The following PPP2R3B variants were observed in gnomAD, a reference collection of about 807,000 sequenced individuals.
PPP2R3B encodes serine/threonine-protein phosphatase 2A regulatory subunit B'' subunit beta.
PPP2R3B carries 68 observed loss-of-function variants against 72.9 expected under a neutral mutation model. The ratio of observed to expected loss-of-function variants is 0.93; its 90% CI spans 0.77 to 1.14. The LOEUF (loss-of-function observed/expected upper bound fraction) is 1.14, where lower values mean the gene tolerates loss of function less well. Ranked by LOEUF, PPP2R3B falls within the 50% of genes most tolerant of loss-of-function variation. PPP2R3B has a pLI of 0.00. For synonymous variants in PPP2R3B, 466 were observed against 375.8 expected (o/e 1.24, Z -2.78); for missense variants, 1,018 against 842.0 (o/e 1.21, Z -2.59).
chrX:382,548 T>C (rs1289083507), intron 1 of PPP2R3B, among the ~76,000 whole-genome samples: 1 of 150,520 alleles, frequency 6.6e-6, no homozygotes, highest in South Asian at 2.1e-4. Context: ...ATAAACTCAG[T>C]GCATTTCTCA....
chrX:359,929 A>C, intron 2 of PPP2R3B: 1 of 443,796 alleles, frequency 2.3e-6, no homozygotes, highest in Non-Finnish European at 4.4e-6. Context: ...GTAACCATGG[A>C]GGTTTTTACA....
rs2071170038 is a variant in PPP2R3B at position 345,145 on chromosome X, C to CT, written c.1036+370dup. ...GGATTGGATGGAAACTGCTCCAGGC[C>CT]TTGGGGGCTGGAACCTGGAGCTCCT... On this transcript the variant is annotated intron_variant, in intron 7 of 12. Coordinates refer to ENST00000390665, the MANE Select transcript of PPP2R3B (RefSeq NM_013239.5). 3 of 515,210 alleles carry CT rather than the reference C, an allele frequency of 5.8e-6. No homozygotes were observed. In the East Asian group the frequency reaches 1.5e-4, roughly 26 times the overall value. The allele number at this position is 515,210 out of a possible 1,614,324, so 31.9% of individuals were successfully genotyped here.
chrX:354,962 G>C (rs905333485), intron 2 of PPP2R3B, among the ~76,000 whole-genome samples: 1 of 152,232 alleles, frequency 6.6e-6, no homozygotes, highest in African/African-American at 2.4e-5. Context: ...TTGAGCCCGA[G>C]GCGGGAAGGG....
At position 334,092 on chromosome X, in the gene PPP2R3B, G is replaced by A. The variant is rs774864325; in HGVS notation, c.*275C>T. 1.2e-3 allele frequency: 409 copies of A among 352,954 alleles called. 2 individuals are homozygous for A. The highest frequency in any genetic ancestry group is 6.6e-3 in the African/African-American group (309 of 46,792). 21.9% of individuals were successfully genotyped at this position (352,954 alleles called of 1,614,324 possible). ...GACCCTTTCCACAGACGCAGGCCCCGGAACCCAGGCTGGGTCGGGAACGGC... is the reference window on the plus strand; with the variant it reads ...GACCCTTTCCACAGACGCAGGCCCCAGAACCCAGGCTGGGTCGGGAACGGC... On this transcript the variant is annotated 3_prime_UTR_variant, in exon 13 of 13. Coordinates refer to ENST00000390665, the MANE Select transcript of PPP2R3B (RefSeq NM_013239.5).
Position 334,215 on chromosome X carries a change from C to A in PPP2R3B, c.*152G>T. 1.0e-6 allele frequency: 1 copy of A among 977,632 alleles called. No individual in the cohort carries two copies. The highest frequency in any genetic ancestry group is 2.2e-5 in the South Asian group (1 of 45,442). 60.6% of individuals were successfully genotyped at this position (977,632 alleles called of 1,614,324 possible). On this transcript the variant is annotated 3_prime_UTR_variant, in exon 13 of 13. Transcript: ENST00000390665. ...CTCTGGGCAGGTCCAGCCACGAACC[C>A]ACAGCGGCAATCAACACGCTTCTGT...
At chrX:341,468 C>A in intron 8 of PPP2R3B, 72 bp from the exon 9 acceptor site, 3 of 1,520,676 alleles carry the variant, frequency 2.0e-6, no homozygotes, top group Admixed American at 1.7e-5. Context: ...GAGCCCCTGT[C>A]CACGCGCCTC....
In PPP2R3B at chrX:346,099, GA is replaced by G. The variant is rs376105945; in HGVS notation, c.879+74del. The G allele has an allele frequency of 5.1e-4, 367 of 720,350 alleles. 22 individuals are homozygous for G. The highest frequency in any genetic ancestry group is 1.6e-3 in the East Asian group (48 of 29,892). The allele number at this position is 720,350 out of a possible 1,614,324, so 44.6% of individuals were successfully genotyped here. ...TGGGAGGGGAGGAGGGAGGGGGGAG[GA>G]GGGAAGGGAAGGGAGTGGAGGTAGG... On this transcript the variant is annotated intron_variant, in intron 6 of 12. Coordinates refer to ENST00000390665, the MANE Select transcript of PPP2R3B (RefSeq NM_013239.5).
chrX:347,539 G>T (rs774119421), intron 3 of PPP2R3B, 51 bp downstream of exon 3: 1 of 1,514,496 alleles, frequency 6.6e-7, no homozygotes, highest in African/African-American at 1.4e-5. Flanking sequence ...ACGGGGACCC[G>T]GGGACGCCTC....
intron 1 of PPP2R3B, among the ~76,000 whole-genome samples, chrX:367,179 A>G (rs1293257895): frequency 6.6e-6 from 1 of 152,176 alleles, no homozygotes; most frequent in Non-Finnish European, 1.5e-5. Flanking sequence ...GAATTGAAAG[A>G]AGGGATGAAG....
intron 2 of PPP2R3B, among the ~76,000 whole-genome samples, chrX:352,083 C>G (rs937087970): frequency 1.3e-5 from 2 of 152,166 alleles, no homozygotes; most frequent in African/African-American, 4.8e-5. Flanking sequence ...CGAAAATTAC[C>G]TCCAAATGAA....
intron 7 of PPP2R3B, 163 bp downstream of exon 7, chrX:345,353 A>G: frequency 9.9e-7 from 1 of 1,007,706 alleles, no homozygotes; most frequent in Non-Finnish European, 1.5e-6. Flanking sequence ...GCGACTGGGG[A>G]AGGAGAGGCA....
intron 12 of PPP2R3B, chrX:334,944 C>T (rs2070848686): frequency 5.9e-6 from 1 of 168,996 alleles, no homozygotes; most frequent in African/African-American, 2.4e-5. Flanking sequence ...TCCGTTCTGA[C>T]CAGAACACGC....
chrX:355,921 G>T (rs758222255), intron 2 of PPP2R3B, among the ~76,000 whole-genome samples: 1 of 152,166 alleles, frequency 6.6e-6, no homozygotes. Context: ...TAGTTTCATG[G>T]GTGGGTACAG....
rs752282665 is a variant in PPP2R3B at position 344,675 on chromosome X, C to T, written c.1036+841G>A. Among the ~76,000 whole-genome samples the T allele has an allele frequency of 3.3e-5, 5 of 152,338 alleles. No individual in the cohort carries two copies. In the East Asian group the frequency reaches 9.7e-4, roughly 29 times the overall value. ...GGCCGGCGCTGTGGAGCTGTGCTCT[C>T]CTCGTGGCTAGTTAGGGGCCCAGGG... is the stretch of plus-strand genomic sequence containing the variant. On this transcript the variant is annotated intron_variant, in intron 7 of 12. Transcript: ENST00000390665.
In PPP2R3B at chrX:334,029, G is replaced by A. The variant is rs186272705; in HGVS notation, c.*338C>T. ...GGTGGAGGCTCCTGTCCAGGACTGA[G>A]GCGCCCGGGAGCCGCCGGTCACCGT... On this transcript the variant is annotated 3_prime_UTR_variant, in exon 13 of 13. Coordinates refer to ENST00000390665, the MANE Select transcript of PPP2R3B (RefSeq NM_013239.5). The A allele has an allele frequency of 0.012, 2,864 of 246,650 alleles. 171 individuals are homozygous for A. The highest frequency in any genetic ancestry group is 0.11 in the Admixed American group (1,904 of 17,778). 15.3% of individuals were successfully genotyped at this position (246,650 alleles called of 1,614,324 possible). A position where few individuals can be genotyped will look rare whatever the true frequency, so the allele number is the denominator to read the frequency against.
chrX:363,396 G>T (rs2071591248), intron 1 of PPP2R3B, among the ~76,000 whole-genome samples: 1 of 149,580 alleles, frequency 6.7e-6, no homozygotes, highest in South Asian at 2.1e-4. Context: ...ATCTCCCCGA[G>T]CCCGCAATCC....
At chrX:366,724 G>A (rs1240406147) in intron 1 of PPP2R3B, among the ~76,000 whole-genome samples, 2 of 97,894 alleles carry the variant, frequency 2.0e-5, no homozygotes, top group South Asian at 3.6e-4. Flanking sequence ...TTAACCAGGT[G>A]TGGTGGCGCA....
At chrX:361,045 A>G (rs1448054333) in intron 2 of PPP2R3B, among the ~76,000 whole-genome samples, 3 of 152,144 alleles carry the variant, frequency 2.0e-5, no homozygotes, top group Non-Finnish European at 4.4e-5. Flanking sequence ...GAGGGTGCAG[A>G]ACGGCCTCCG....
At chrX:362,113 G>C (rs1399554672) in intron 1 of PPP2R3B, 1 of 172,196 alleles carries the variant, frequency 5.8e-6, no homozygotes, top group African/African-American at 2.4e-5. Context: ...ACACAGCCAG[G>C]AGAAGGGGTC....
Sources: gnomAD v4.1 joint callset for allele counts (sites outside exome capture counted in the v4.1 genomes callset) on GRCh38, gnomAD v4.1.1 for gene constraint, MANE v1.5 for transcripts, NCBI Gene and HGNC (gene_info 2026-07-23, HGNC 2026-07-21) for gene names.